MYO1D: variants seen among roughly 807,000 people sequenced by gnomAD.
The protein encoded by MYO1D is unconventional myosin-Id.
MYO1D carries 83 observed loss-of-function variants against 122.0 expected under a neutral mutation model. The ratio of observed to expected loss-of-function variants is 0.68; its 90% CI spans 0.57 to 0.82. The LOEUF is 0.82. Ranked by LOEUF, MYO1D falls within the 40% of genes least tolerant of loss-of-function variation. MYO1D has a pLI of 0.00. For synonymous variants in MYO1D, 464 were observed against 446.9 expected (o/e 1.04, Z -0.48); for missense variants, 1,157 against 1,269.5 (o/e 0.91, Z 1.35).
At chr17:32,798,487 T>C (rs922330853) in intron 1 of MYO1D, among the ~76,000 whole-genome samples, 9 of 152,206 alleles carry the variant, frequency 5.9e-5, no homozygotes, top group Non-Finnish European at 1.2e-4. Context: ...TGTCCACAGT[T>C]AAGGAGGCTC....
At chr17:32,597,232 A>G (rs1009338921) in intron 21 of MYO1D, among the ~76,000 whole-genome samples, 5 of 152,202 alleles carry the variant, frequency 3.3e-5, no homozygotes, top group Non-Finnish European at 7.3e-5. Context: ...AGTAACACAT[A>G]TATTGGTCGC....
intron 21 of MYO1D, among the ~76,000 whole-genome samples, chr17:32,552,865 C>T (rs531225347): frequency 1.3e-5 from 2 of 152,216 alleles, no homozygotes; most frequent in African/African-American, 2.4e-5. Flanking sequence ...ACACCTGACA[C>T]CCAAGTAAAT....
chr17:32,500,122 A>T (rs760604262), intron 21 of MYO1D, among the ~76,000 whole-genome samples: 11 of 152,204 alleles, frequency 7.2e-5, no homozygotes, highest in Non-Finnish European at 1.5e-4. Flanking sequence ...CCCTGCACAC[A>T]GGAGATGCTC....
chr17:32,636,509 T>A (rs886528217), intron 20 of MYO1D, among the ~76,000 whole-genome samples: 2 of 152,192 alleles, frequency 1.3e-5, no homozygotes, highest in Admixed American at 6.5e-5. Context: ...AAGTTCCCCA[T>A]CACATCGAAC....
chr17:32,847,456 T>C (rs1330767505), intron 1 of MYO1D, among the ~76,000 whole-genome samples: 2 of 152,182 alleles, frequency 1.3e-5, no homozygotes, highest in Admixed American at 6.5e-5. Flanking sequence ...GCAGGACATA[T>C]CTTGGAACTT....
intron 19 of MYO1D, among the ~76,000 whole-genome samples, chr17:32,648,299 T>C (rs1362476069): frequency 1.3e-5 from 2 of 152,308 alleles, no homozygotes. Context: ...CAAACACTGA[T>C]TGTGATATAA....
At chr17:32,804,757 T>C (rs1261378328) in intron 1 of MYO1D, among the ~76,000 whole-genome samples, 3 of 152,188 alleles carry the variant, frequency 2.0e-5, no homozygotes, top group Admixed American at 6.5e-5. Flanking sequence ...GCTTGGTCTG[T>C]GATAAGTAAG....
At chr17:32,610,949 T>C (rs321168) in intron 20 of MYO1D, among the ~76,000 whole-genome samples, 6,934 of 152,274 alleles carry the variant, frequency 0.046, 200 homozygotes, top group Middle Eastern at 0.085. Flanking sequence ...TCTATGAGAT[T>C]TCTATGCTAT....
chr17:32,511,953 G>C (rs939884729), intron 21 of MYO1D, among the ~76,000 whole-genome samples: 4 of 152,078 alleles, frequency 2.6e-5, no homozygotes, highest in Admixed American at 2.6e-4. Flanking sequence ...CCTGAGAATC[G>C]AACATTGAAA....
chr17:32,721,236 C>T (rs751574110), intron 14 of MYO1D, 47 bp from the exon 15 acceptor site: 1 of 1,571,278 alleles, frequency 6.4e-7, no homozygotes, highest in East Asian at 2.2e-5. Flanking sequence ...GAGAAAATTT[C>T]CCAGCTAGGG....
At chr17:32,675,403 T>C (rs2088793161) in intron 16 of MYO1D, among the ~76,000 whole-genome samples, 2 of 152,208 alleles carry the variant, frequency 1.3e-5, no homozygotes, top group Admixed American at 1.3e-4. Flanking sequence ...TAAAGTATCA[T>C]ACCTACCAGA....
intron 11 of MYO1D, among the ~76,000 whole-genome samples, chr17:32,754,858 A>G (rs1429929788): frequency 6.6e-6 from 1 of 152,232 alleles, no homozygotes. Context: ...CATGCAAATG[A>G]TATGTCCATA....
intron 16 of MYO1D, among the ~76,000 whole-genome samples, chr17:32,702,272 G>T (rs1205149249): frequency 2.0e-5 from 3 of 152,056 alleles, no homozygotes. Flanking sequence ...CATTATGCCT[G>T]CACTGATTTA....
In MYO1D at chr17:32,548,402, T is replaced by C. The variant is rs202162325; in HGVS notation, c.2865-53487A>G. On this transcript the variant is annotated intron_variant, in intron 21 of 21. Transcript: ENST00000318217. ...AAGATCGCGCCACTGCACTCCAGCC[T>C]GGGTGACAGAGCGAGACCTGTCTCA... is the stretch of plus-strand genomic sequence containing the variant. Among the ~76,000 whole-genome samples, 14 of 150,480 alleles carry C rather than the reference T, an allele frequency of 9.3e-5. No homozygotes were observed. In the East Asian group the frequency reaches 2.6e-3, roughly 27 times the overall value.
At chr17:32,672,177 A>T (rs564905509) in intron 16 of MYO1D, among the ~76,000 whole-genome samples, 28 of 152,312 alleles carry the variant, frequency 1.8e-4, no homozygotes, top group African/African-American at 6.5e-4. Flanking sequence ...AGATGTTTTT[A>T]GCATTTTACA....
chr17:32,712,751 C>T (rs1398929332), intron 15 of MYO1D, among the ~76,000 whole-genome samples: 3 of 152,212 alleles, frequency 2.0e-5, no homozygotes, highest in Non-Finnish European at 2.9e-5. Flanking sequence ...TGCATTTCTA[C>T]ATACGAGCAG....
intron 21 of MYO1D, among the ~76,000 whole-genome samples, chr17:32,551,417 C>G (rs1217445471): frequency 6.6e-6 from 1 of 152,154 alleles, no homozygotes; most frequent in Non-Finnish European, 1.5e-5. Context: ...CTTTTTCTGC[C>G]TTGGTTTCAC....
intron 1 of MYO1D, among the ~76,000 whole-genome samples, chr17:32,819,158 C>T (rs2090638756): frequency 6.6e-6 from 1 of 151,240 alleles, no homozygotes; most frequent in African/African-American, 2.4e-5. Context: ...TGAAAGAAAT[C>T]TGAAATGACA....
At chr17:32,724,469 G>A (rs1421711337) in intron 14 of MYO1D, among the ~76,000 whole-genome samples, 1 of 152,156 alleles carries the variant, frequency 6.6e-6, no homozygotes, top group Non-Finnish European at 1.5e-5. Flanking sequence ...AGAAGACATG[G>A]GAGATCTAAC....
Sources: allele counts gnomAD v4.1 joint callset (sites outside exome capture counted in the v4.1 genomes callset), GRCh38; gene constraint gnomAD v4.1.1; transcripts MANE v1.5; gene names NCBI Gene and HGNC (gene_info 2026-07-23, HGNC 2026-07-21).